Variants in COL5A3 observed in about 807,000 individuals in gnomAD.
COL5A3 encodes collagen type V alpha 3 chain, also known as collagen alpha-3(V) chain.
A neutral mutation model predicts 250.0 loss-of-function variants in COL5A3; 172 were observed. That is an observed-to-expected ratio of 0.69 (90% CI 0.61 to 0.78). The LOEUF (loss-of-function observed/expected upper bound fraction) is 0.78, where lower values mean the gene tolerates loss of function less well. Ranked by LOEUF, COL5A3 falls within the 30% of genes least tolerant of loss-of-function variation. COL5A3 has a pLI of 0.00. For missense variants in COL5A3, 2,340 were observed against 2,334.4 expected (o/e 1.00, Z -0.05); for synonymous variants, 937 against 900.4 (o/e 1.04, Z -0.73).
intron 30 of COL5A3, 50 bp downstream of exon 30, chr19:9,986,265 G>C: frequency 7.8e-7 from 1 of 1,275,252 alleles, no homozygotes; most frequent in South Asian, 1.4e-5. Context: ...AGAGGGAAAA[G>C]ATTGGGGACA....
chr19:9,998,276 C>T (rs1408358387), intron 8 of COL5A3, 127 bp from the exon 9 acceptor site: 14 of 945,264 alleles, frequency 1.5e-5, no homozygotes, highest in Non-Finnish European at 1.9e-5. Context: ...CCCTCAGAGC[C>T]CCTTCTCCTC....
chr19:9,978,808 A>T, intron 40 of COL5A3, 83 bp downstream of exon 40: 1 of 1,083,290 alleles, frequency 9.2e-7, no homozygotes, highest in Non-Finnish European at 1.3e-6. Flanking sequence ...CCGCACCCCA[A>T]ATGCTATTCC....
intron 24 of COL5A3, among the ~76,000 whole-genome samples, chr19:9,990,985 G>A (rs1246374728): frequency 6.6e-6 from 1 of 152,182 alleles, no homozygotes; most frequent in African/African-American, 2.4e-5. Flanking sequence ...AGCATTTTGG[G>A]GGGCCAAGGC....
At position 9,996,194 on chromosome 19, in the gene COL5A3, C is replaced by T. The variant is rs376418686; in HGVS notation, c.1479+12G>A. On this transcript the variant is annotated intron_variant, in intron 14 of 66. Transcript: ENST00000264828. Reference sequence around the variant, plus strand: ...GCATGCACCGCCCCCTCCACGCAGTCGCCTTACTCACCACAGGGCCTGGGC... The same window carrying T: ...GCATGCACCGCCCCCTCCACGCAGTTGCCTTACTCACCACAGGGCCTGGGC... The T allele has an allele frequency of 9.0e-6, 14 of 1,563,582 alleles. No individual in the cohort carries two copies. The African/African-American group carries it at 1.5e-4, about 17-fold the overall frequency.
chr19:9,966,521 G>A lies in COL5A3; in HGVS notation c.4669+15C>T, dbSNP rs1376976786. 1 of 1,539,402 alleles carries A rather than the reference G, an allele frequency of 6.5e-7. No individual in the cohort carries two copies. Among genetic ancestry groups the A allele is most frequent in the African/African-American group, 1.4e-5 (1 of 73,130 alleles). On this transcript the variant is annotated intron_variant, in intron 63 of 66. Coordinates refer to ENST00000264828, the MANE Select transcript of COL5A3 (RefSeq NM_015719.4). ...CCACTCCGCCCATCCAAGTGGCGGGGGGACCGGACCTCACCATCAGGCAGG... is the reference window on the plus strand; with the variant it reads ...CCACTCCGCCCATCCAAGTGGCGGGAGGACCGGACCTCACCATCAGGCAGG...
At position 9,977,661 on chromosome 19, in the gene COL5A3, C is replaced by T. The variant is rs984768950; in HGVS notation, c.3059G>A (p.Gly1020Asp). 6.2e-7 allele frequency: 1 copy of T among 1,608,094 alleles called. No homozygotes were observed. Among genetic ancestry groups the T allele is most frequent in the African/African-American group, 1.3e-5 (1 of 74,848 alleles). The change falls in exon 42 of 67, where the codon GGC becomes GAC. Residue 1020 changes from glycine (G) to aspartate (D), a missense_variant. By Grantham distance (94) the Gly-to-Asp change is moderately conservative. Around this residue, in one of 3 missense-constraint regions of COL5A3, gnomAD observed 1,179 missense variants for 1,162.6 expected, o/e 1.01. Coordinates refer to ENST00000264828, the MANE Select transcript of COL5A3 (RefSeq NM_015719.4). Reference protein sequence around the residue: ...GERGPLGPAGGIGLPGQSGSE... With the variant: ...GERGPLGPAGDIGLPGQSGSE... ...GCCACTTTGGCCAGGAAGTCCAATG[C>T]CTCCTGCTGGGCCCAAAGGACCGCG...
intron 8 of COL5A3, among the ~76,000 whole-genome samples, chr19:10,000,700 C>T (rs1396218799): frequency 6.6e-6 from 1 of 152,024 alleles, no homozygotes; most frequent in Non-Finnish European, 1.5e-5. Flanking sequence ...TCTCTCTAGT[C>T]ACAGAGTCAA....
intron 16 of COL5A3, among the ~76,000 whole-genome samples, chr19:9,994,826 T>C (rs576277114): frequency 1.3e-5 from 2 of 151,706 alleles, no homozygotes; most frequent in Non-Finnish European, 2.9e-5. Context: ...CTATAGTAAG[T>C]ATTTGTATGT....
intron 6 of COL5A3, among the ~76,000 whole-genome samples, chr19:10,002,534 C>CA (rs2087380081): frequency 6.6e-6 from 1 of 151,098 alleles, no homozygotes; most frequent in African/African-American, 2.4e-5. Flanking sequence ...ACCAGAGACC[C>CA]ACAAACAACC....
chr19:9,968,438 C>T lies in COL5A3; in HGVS notation c.4261G>A (p.Gly1421Arg), dbSNP rs1261309144. ...IGPPGEAGEK[G>R]DQGLPGVQGP... ...TGCACGCCTGGCAACCCCTGATCTC[C>T]TTTCTCACCAGCTTCTCCCGGGGGG... Residue 1421 changes from glycine to arginine, a missense_variant, in exon 59 of 67, where the codon GGA becomes AGA. This residue lies in a region of COL5A3 where 1,179 missense variants were observed against 1,162.6 expected (regional missense o/e 1.01). Transcript: ENST00000264828. This position sits in a 1 kb window ranked among gnomAD's most constrained non-coding sequence, Gnocchi z 4.1. 2 of 1,588,700 alleles carry T rather than the reference C, an allele frequency of 1.3e-6. No homozygotes were observed. The highest frequency in any genetic ancestry group is 1.7e-6 in the Non-Finnish European group (2 of 1,173,752).
At position 9,996,239 on chromosome 19, in the gene COL5A3, A is replaced by C; in HGVS notation, c.1446T>G (p.Gly482=). The C allele has an allele frequency of 6.3e-7, 1 of 1,576,710 alleles. No individual in the cohort carries two copies. The highest frequency in any genetic ancestry group is 8.6e-7 in the Non-Finnish European group (1 of 1,163,674). The change falls in exon 14 of 67, where the codon GGT becomes GGG. Residue 482 remains glycine (G), a synonymous_variant. Coordinates refer to ENST00000264828, the MANE Select transcript of COL5A3 (RefSeq NM_015719.4). ...CTGGGCGCCCAGTGAGCCCCACTGG[A>C]CCAGGGGGGCCTTTCATAGAGAGCT... ...QTQLSMKGPP[G]PVGLTGRPGP...
At chr19:9,983,600 GA>G (rs2087048650) in intron 31 of COL5A3, among the ~76,000 whole-genome samples, 1 of 77,042 alleles carries the variant, frequency 1.3e-5, no homozygotes, top group East Asian at 3.7e-4. Context: ...AAGAAAGAAA[GA>G]GAAAGAGAGA....
chr19:9,967,391 C>A lies in COL5A3; in HGVS notation c.4414G>T (p.Gly1472Cys). ...KGSKGSPGSMGPRGDTGPAGP... is the reference protein window; with the variant it reads ...KGSKGSPGSMCPRGDTGPAGP... ...GCAGGTCCAGTGTCTCCACGGGGGCCCATGGACCCCTGTAGGGAGAAGTCA... is the reference window on the plus strand; with the variant it reads ...GCAGGTCCAGTGTCTCCACGGGGGCACATGGACCCCTGTAGGGAGAAGTCA... The change falls in exon 62 of 67, where the codon GGC (glycine) becomes TGC (cysteine). Residue 1472 changes from glycine to cysteine, a missense_variant. Physicochemically the swap from Gly to Cys is radical, Grantham distance 159. Around this residue, in one of 3 missense-constraint regions of COL5A3, gnomAD observed 1,179 missense variants for 1,162.6 expected, o/e 1.01. Transcript: ENST00000264828. The A allele has an allele frequency of 6.7e-7, 1 of 1,483,798 alleles. No homozygotes were observed. The highest frequency in any genetic ancestry group is 8.9e-7 in the Non-Finnish European group (1 of 1,126,910). The allele number at this position is 1,483,798 out of a possible 1,614,324, so 91.9% of individuals were successfully genotyped here.
intron 8 of COL5A3, among the ~76,000 whole-genome samples, chr19:9,999,222 A>G (rs1176868149): frequency 8.0e-6 from 1 of 124,722 alleles, no homozygotes; most frequent in East Asian, 2.2e-4. Context: ...ACACAGGGTC[A>G]CTCTATTGCC....
rs373961334 is a variant in COL5A3, at chr19:10,005,743, C to T, written c.438-29G>A. ...CAAGGGGACGGCCTCAGTGCGGGTG[C>T]TTCTCACCCCACCCCTTATCCACGG... On this transcript the variant is annotated intron_variant, in intron 3 of 66. Coordinates refer to ENST00000264828, the MANE Select transcript of COL5A3 (RefSeq NM_015719.4). 9.4e-6 allele frequency: 15 copies of T among 1,598,924 alleles called. No homozygotes were observed. In the African/African-American group the frequency reaches 2.0e-4, roughly 21 times the overall value.
chr19:9,992,931 G>C, intron 20 of COL5A3, 51 bp from the exon 21 acceptor site: 1 of 1,609,168 alleles, frequency 6.2e-7, no homozygotes. Context: ...GTGGCCATGT[G>C]AGCTCTAGGG....
In COL5A3 at chr19:10,001,613, TG is replaced by T; in HGVS notation, c.1020del (p.Arg341GlyfsTer43). ...TELGTLETKA[A>X]REDEEGDDST... ...GAATCATCTCCTTCTTCATCCTCCC[TG>T]GCTGCCTTGGTCTCCAGGGTCCCCA... On this transcript the variant is annotated frameshift_variant, in exon 8 of 67. Coordinates refer to ENST00000264828, the MANE Select transcript of COL5A3 (RefSeq NM_015719.4). LOFTEE classifies it high-confidence loss of function. The T allele has an allele frequency of 6.2e-7, 1 of 1,614,138 alleles. No homozygotes were observed.
rs1198289077 is a variant in COL5A3, at chr19:9,959,587, T to G, written c.*824A>C. On this transcript the variant is annotated 3_prime_UTR_variant, in exon 67 of 67. Transcript: ENST00000264828. Reference sequence around the variant, plus strand: ...ACAGTTCATCAGTTTATTCTCAGATTTGAGATGCAAATTATGCCCTATGGC... The same window carrying G: ...ACAGTTCATCAGTTTATTCTCAGATGTGAGATGCAAATTATGCCCTATGGC... 6.5e-6 allele frequency: 1 copy of G among 152,764 alleles called. No homozygotes were observed. 9.5% of individuals were successfully genotyped at this position (152,764 alleles called of 1,614,324 possible). A position where few individuals can be genotyped will look rare whatever the true frequency, so the allele number is the denominator to read the frequency against.
intron 64 of COL5A3, among the ~76,000 whole-genome samples, chr19:9,964,220 G>T (rs1329089810): frequency 3.3e-5 from 5 of 151,848 alleles, no homozygotes; most frequent in African/African-American, 1.2e-4. Context: ...TTCTCCCACT[G>T]CTTAATCCCA....
Sources: allele counts gnomAD v4.1 joint callset (sites outside exome capture counted in the v4.1 genomes callset), GRCh38; gene constraint gnomAD v4.1.1; regional missense constraint gnomAD v4.1.1; non-coding constraint Gnocchi (gnomAD v3.1); transcripts MANE v1.5; gene names NCBI Gene and HGNC (gene_info 2026-07-23, HGNC 2026-07-21).